PTGER4: variants seen among roughly 807,000 people sequenced by gnomAD.
PTGER4 encodes the protein prostaglandin E receptor 4.
PTGER4 carries 11 observed loss-of-function variants against 33.2 expected under a neutral mutation model. The ratio of observed to expected loss-of-function variants is 0.33; its 90% CI spans 0.21 to 0.55. The LOEUF (loss-of-function observed/expected upper bound fraction) is 0.55. Among genes scored for constraint, PTGER4 ranks in the 20% least tolerant of loss-of-function variants. PTGER4 has a pLI of 0.92. For missense variants in PTGER4, 481 were observed against 650.2 expected (o/e 0.74, Z 2.83); for synonymous variants, 275 against 281.5 (o/e 0.98, Z 0.23).
chr5:40,742,493 C>G, the PTGER4 span, among the ~76,000 whole-genome samples: 1 of 152,094 alleles, frequency 6.6e-6, no homozygotes, highest in Non-Finnish European at 1.5e-5. Context: ...CCTAATATTG[C>G]AAAGCTGGTC....
chr5:40,707,927 GACT>G, the PTGER4 span, among the ~76,000 whole-genome samples: 2 of 152,182 alleles, frequency 1.3e-5, no homozygotes, highest in Admixed American at 6.5e-5. Context: ...GCTCCTGAAT[GACT>G]ACTGAGTACA....
chr5:40,728,963 G>GTAGGGT, the PTGER4 span, among the ~76,000 whole-genome samples: 4 of 152,232 alleles, frequency 2.6e-5, no homozygotes, highest in Middle Eastern at 3.4e-3. Context: ...TACTAGGAAG[G>GTAGGGT]TAGGGTTAGG....
chr5:40,721,587 A>G, the PTGER4 span, among the ~76,000 whole-genome samples: 12 of 152,148 alleles, frequency 7.9e-5, no homozygotes, highest in African/African-American at 2.4e-4. Flanking sequence ...CTCATCTTAC[A>G]CCATAAACAA....
chr5:40,685,204 A>G (rs1418330659), intron 2 of PTGER4, among the ~76,000 whole-genome samples: 2 of 152,164 alleles, frequency 1.3e-5, no homozygotes, highest in African/African-American at 4.8e-5. Context: ...CAGAACAGCT[A>G]ATTTGATTAA....
chr5:40,698,008 A>G (rs960476620), downstream of PTGER4, among the ~76,000 whole-genome samples: 2 of 150,398 alleles, frequency 1.3e-5, no homozygotes, highest in East Asian at 2.0e-4. Flanking sequence ...GAACTAACTC[A>G]GAAACAGAAA....
the PTGER4 span, among the ~76,000 whole-genome samples, chr5:40,736,747 A>G: frequency 1.2e-4 from 19 of 152,326 alleles, no homozygotes; most frequent in East Asian, 9.6e-4. Flanking sequence ...CCAAAATTCT[A>G]TAAGATATGT....
In PTGER4 at chr5:40,681,287, T is replaced by A; in HGVS notation, c.294T>A (p.Ile98=). ...GQPLCEYSTF[I]LLFFSLSGLS... is the part of the protein sequence containing the mutation. ...CGCTGTGCGAGTACAGCACCTTCAT[T>A]CTGCTCTTCTTCAGCCTGTCCGGCC... Residue 98 remains isoleucine (I), a synonymous_variant, in exon 2 of 3, where the codon ATT becomes ATA. Transcript: ENST00000302472. This position sits in a 1 kb window ranked among gnomAD's most constrained non-coding sequence, Gnocchi z 9.8. 1 of 1,614,178 alleles carries A rather than the reference T, an allele frequency of 6.2e-7. No homozygotes were observed. The highest frequency in any genetic ancestry group is 8.5e-7 in the Non-Finnish European group (1 of 1,180,032).
the PTGER4 span, among the ~76,000 whole-genome samples, chr5:40,701,829 A>G: frequency 2.6e-5 from 4 of 152,344 alleles, no homozygotes; most frequent in East Asian, 3.9e-4. Context: ...CTAACAGCAG[A>G]CCTGTCAACT....
At chr5:40,728,517 C>A in the PTGER4 span, 1 of 1,534,050 alleles carries the variant, frequency 6.5e-7, no homozygotes, top group South Asian at 1.2e-5. Flanking sequence ...CAGTAATATT[C>A]ATAAACTAGC....
Position 40,692,953 on chromosome 5 carries a change from AT to A in PTGER4, c.*580del. On this transcript the variant is annotated 3_prime_UTR_variant, in exon 3 of 3. Coordinates refer to ENST00000302472, the MANE Select transcript of PTGER4 (RefSeq NM_000958.3). ...CCAGCTGAAGTTGCAGATGTTAGAT[AT>A]TTTTCATAAACAAGTTCGAGTCAAA... 2 of 963,306 alleles carry A rather than the reference AT, an allele frequency of 2.1e-6. No individual in the cohort carries two copies. The highest frequency in any genetic ancestry group is 2.5e-6 in the Non-Finnish European group (2 of 809,520). 59.7% of individuals were successfully genotyped at this position (963,306 alleles called of 1,614,324 possible).
the PTGER4 span, among the ~76,000 whole-genome samples, chr5:40,722,394 G>A: frequency 6.6e-6 from 1 of 151,192 alleles, no homozygotes; most frequent in Non-Finnish European, 1.5e-5. Flanking sequence ...GAGCCCCTCT[G>A]CCCGGCCGCC....
chr5:40,699,270 C>A, the PTGER4 span, among the ~76,000 whole-genome samples: 1 of 151,318 alleles, frequency 6.6e-6, no homozygotes, highest in African/African-American at 2.4e-5. Flanking sequence ...AATTAATGGA[C>A]TTTTTTGGAT....
At chr5:40,722,815 T>TG in the PTGER4 span, among the ~76,000 whole-genome samples, 1 of 142,918 alleles carries the variant, frequency 7.0e-6, no homozygotes, top group South Asian at 2.2e-4. Context: ...ATCCGGGAGG[T>TG]GGGGGGCGCA....
downstream of PTGER4, chr5:40,696,681 A>G (rs1021410859): frequency 1.0e-6 from 1 of 985,038 alleles, no homozygotes; most frequent in African/African-American, 1.7e-5. Flanking sequence ...ACCATGGAAG[A>G]GAAGGACAGA....
intron 2 of PTGER4, among the ~76,000 whole-genome samples, chr5:40,686,260 G>T (rs147355406): frequency 2.0e-5 from 3 of 152,306 alleles, no homozygotes; most frequent in East Asian, 1.9e-4. Flanking sequence ...ATTGGAAAGC[G>T]TTACTGTTTT....
At chr5:40,694,212 A>T (rs1361667737), downstream of PTGER4, among the ~76,000 whole-genome samples, 1 of 151,996 alleles carries the variant, frequency 6.6e-6, no homozygotes, top group Non-Finnish European at 1.5e-5. Context: ...CACCATGCCC[A>T]GCTAAATTTT....
the PTGER4 span, among the ~76,000 whole-genome samples, chr5:40,712,382 A>AT: frequency 6.6e-6 from 1 of 152,186 alleles, no homozygotes; most frequent in Non-Finnish European, 1.5e-5. Context: ...TGAGGGAGTC[A>AT]TAAAATAATG....
chr5:40,690,763 C>T (rs945160213), intron 2 of PTGER4, among the ~76,000 whole-genome samples: 2 of 152,094 alleles, frequency 1.3e-5, no homozygotes, highest in Non-Finnish European at 2.9e-5. Flanking sequence ...TGTAAAATGA[C>T]AGCTGGAATA....
the PTGER4 span, among the ~76,000 whole-genome samples, chr5:40,707,060 A>G: frequency 1.3e-5 from 2 of 152,310 alleles, 1 homozygote. Flanking sequence ...AACCGGTACC[A>G]GCCACTGCAA....
Sources: gnomAD v4.1 joint callset for allele counts (sites outside exome capture counted in the v4.1 genomes callset) on GRCh38, gnomAD v4.1.1 for gene constraint, Gnocchi (gnomAD v3.1) non-coding constraint, MANE v1.5 for transcripts, NCBI Gene and HGNC (gene_info 2026-07-23, HGNC 2026-07-21) for gene names.